The following NAALADL2 variants were observed in gnomAD, a reference collection of about 807,000 sequenced individuals.
The protein encoded by NAALADL2 is inactive N-acetylated-alpha-linked acidic dipeptidase-like protein 2.
In NAALADL2, 76 loss-of-function variants were observed where a neutral mutation model predicts 87.2. The ratio of observed to expected loss-of-function variants is 0.87; its 90% CI spans 0.72 to 1.05. NAALADL2 has a LOEUF of 1.05. NAALADL2 is among the 50% of genes least tolerant of loss of function. The probability of loss-of-function intolerance (pLI) is 0.00; values close to 1 mark genes in which losing one functional copy is unlikely to be tolerated. For synonymous variants in NAALADL2, 354 were observed against 331.0 expected (o/e 1.07, Z -0.75); for missense variants, 1,089 against 945.8 (o/e 1.15, Z -1.99).
At chr3:174,521,526 C>T (rs1184864681) in intron 1 of NAALADL2, among the ~76,000 whole-genome samples, 4 of 128,732 alleles carry the variant, frequency 3.1e-5, no homozygotes, top group Admixed American at 9.7e-5. Context: ...GAGCCAAGAT[C>T]GTGCCACTGC....
At chr3:175,532,180 A>G (rs1034885463) in intron 9 of NAALADL2, among the ~76,000 whole-genome samples, 6 of 152,156 alleles carry the variant, frequency 3.9e-5, no homozygotes, top group Non-Finnish European at 8.8e-5. Context: ...TCCATTAATT[A>G]CCTGACCTCC....
chr3:175,477,146 A>C (rs1325617825), intron 9 of NAALADL2, among the ~76,000 whole-genome samples: 1 of 152,148 alleles, frequency 6.6e-6, no homozygotes, highest in East Asian at 1.9e-4. Flanking sequence ...GCTGAGAAAC[A>C]AACAGCAGAT....
In NAALADL2 at chr3:175,447,343, CG is replaced by C. The variant is rs1560567028; in HGVS notation, c.1206del (p.Cys403ValfsTer4). 1 of 1,594,336 alleles carries C rather than the reference CG, an allele frequency of 6.3e-7. No homozygotes were observed. The highest frequency in any genetic ancestry group is 8.5e-7 in the Non-Finnish European group (1 of 1,169,854). The stretch of plus-strand genomic sequence containing the variant: ...CCAAAAGCTAGAACCAAAAATGAAG[CG>C]TGTAGCTCTCTAGAGCTTCCAAATA... The part of the protein sequence containing the change: ...SSPKARTKNE[A>X]CSSLELPNNE... On this transcript the variant is annotated frameshift_variant, in exon 6 of 14. Coordinates refer to ENST00000454872, the MANE Select transcript of NAALADL2 (RefSeq NM_207015.3). LOFTEE classifies it high-confidence loss of function.
intron 5 of NAALADL2, among the ~76,000 whole-genome samples, chr3:175,350,923 A>G (rs912144510): frequency 5.9e-5 from 9 of 152,204 alleles, no homozygotes; most frequent in Non-Finnish European, 8.8e-5. Flanking sequence ...TCACATACAT[A>G]CAAATTATCC....
chr3:174,636,268 A>G (rs1218876812), intron 2 of NAALADL2, among the ~76,000 whole-genome samples: 1 of 152,202 alleles, frequency 6.6e-6, no homozygotes, highest in Non-Finnish European at 1.5e-5. Context: ...TCTGAAGGAC[A>G]TTGGTCTACT....
At chr3:175,695,210 C>G (rs571490278) in intron 11 of NAALADL2, among the ~76,000 whole-genome samples, 1 of 152,194 alleles carries the variant, frequency 6.6e-6, no homozygotes, top group South Asian at 2.1e-4. Flanking sequence ...AGAATAGGGA[C>G]TTTTCTGTTT....
At chr3:175,011,648 G>T (rs4422321) in intron 1 of NAALADL2, among the ~76,000 whole-genome samples, 43,837 of 151,928 alleles carry the variant, frequency 0.29, 8,366 homozygotes, top group African/African-American at 0.54. Flanking sequence ...TTTTCTCTTT[G>T]GCTTTTTGAG....
chr3:175,546,734 G>A (rs968952439), intron 9 of NAALADL2, among the ~76,000 whole-genome samples: 3 of 152,038 alleles, frequency 2.0e-5, no homozygotes, highest in African/African-American at 7.2e-5. Flanking sequence ...TAGGGTTTCA[G>A]CTGTTAGTCT....
At chr3:175,007,376 G>A (rs1169568278) in intron 1 of NAALADL2, among the ~76,000 whole-genome samples, 1 of 152,138 alleles carries the variant, frequency 6.6e-6, no homozygotes, top group South Asian at 2.1e-4. Context: ...GCTGACTTAG[G>A]TAGAAAACCC....
intron 11 of NAALADL2, among the ~76,000 whole-genome samples, chr3:175,640,389 C>G (rs952685820): frequency 2.0e-5 from 3 of 152,076 alleles, no homozygotes; most frequent in Admixed American, 6.5e-5. Flanking sequence ...CCTCATGTTA[C>G]AAATTCAAAT....
In NAALADL2 at chr3:175,696,046, TGTG is replaced by T. The variant is rs542546467; in HGVS notation, c.1897-41256_1897-41254del. ...TGTAAACCTGTCTCTGAAAGAAAAC[TGTG>T]GTGAAATATTTTCTAGATTGGCCAT... is the stretch of plus-strand genomic sequence containing the variant. On this transcript the variant is annotated intron_variant, in intron 11 of 13. Transcript: ENST00000454872. Among the ~76,000 whole-genome samples, 183 of 152,252 alleles carry T rather than the reference TGTG, an allele frequency of 1.2e-3. 1 individual carries two copies. Among genetic ancestry groups the T allele is most frequent in the Non-Finnish European group, 2.4e-3 (164 of 67,988 alleles).
chr3:175,587,126 G>T (rs1560805065), intron 10 of NAALADL2, among the ~76,000 whole-genome samples: 1 of 152,160 alleles, frequency 6.6e-6, no homozygotes, highest in Non-Finnish European at 1.5e-5. Context: ...TTGACTCATT[G>T]ATTTTTAGAG....
chr3:174,774,410 G>T (rs1714957144), intron 3 of NAALADL2, among the ~76,000 whole-genome samples: 1 of 152,202 alleles, frequency 6.6e-6, no homozygotes, highest in East Asian at 1.9e-4. Flanking sequence ...CTTTCCTGAG[G>T]GGACCCCTTA....
intron 1 of NAALADL2, among the ~76,000 whole-genome samples, chr3:175,028,674 T>C (rs1230867333): frequency 6.6e-6 from 1 of 152,028 alleles, no homozygotes; most frequent in Non-Finnish European, 1.5e-5. Context: ...TCAATGTTGA[T>C]AATATTTTCT....
chr3:175,453,062 C>A (rs536810240), intron 6 of NAALADL2, among the ~76,000 whole-genome samples: 2 of 152,046 alleles, frequency 1.3e-5, no homozygotes, highest in East Asian at 3.9e-4. Context: ...TTAAAGACAA[C>A]CTGAGATGTA....
chr3:175,325,442 A>G (rs1760590108), intron 5 of NAALADL2, among the ~76,000 whole-genome samples: 1 of 152,194 alleles, frequency 6.6e-6, no homozygotes, highest in Non-Finnish European at 1.5e-5. Context: ...TTTAAGTTAG[A>G]ATTAGTAGGC....
chr3:174,571,263 A>G (rs80016019), intron 2 of NAALADL2, among the ~76,000 whole-genome samples: 3,008 of 152,284 alleles, frequency 0.02, 106 homozygotes, highest in African/African-American at 0.068. Context: ...AAACTAAAAA[A>G]CAGAAAAATC....
intron 2 of NAALADL2, among the ~76,000 whole-genome samples, chr3:174,720,279 T>TA (rs1249215163): frequency 2.0e-5 from 3 of 152,166 alleles, no homozygotes; most frequent in Non-Finnish European, 4.4e-5. Context: ...ATTATCTTTT[T>TA]AAAAATAGAT....
At chr3:174,990,618 C>CA (rs1233592286) in intron 1 of NAALADL2, among the ~76,000 whole-genome samples, 2 of 151,718 alleles carry the variant, frequency 1.3e-5, no homozygotes, top group East Asian at 3.9e-4. Context: ...CGATAAAAAC[C>CA]AAAAAAAGCT....
Sources: gnomAD v4.1 joint callset for allele counts (sites outside exome capture counted in the v4.1 genomes callset) on GRCh38, gnomAD v4.1.1 for gene constraint, MANE v1.5 for transcripts, NCBI Gene and HGNC (gene_info 2026-07-23, HGNC 2026-07-21) for gene names.